The following BYSL variants were observed in gnomAD, a reference collection of about 807,000 sequenced individuals.
BYSL encodes bystin like, also known as bystin.
A neutral mutation model predicts 45.4 loss-of-function variants in BYSL; 21 were observed. The ratio of observed to expected loss-of-function variants is 0.46; its 90% confidence interval spans 0.33 to 0.67. The LOEUF (loss-of-function observed/expected upper bound fraction) is 0.67. BYSL is among the 30% of genes least tolerant of loss of function. The pLI is 0.02. For missense variants in BYSL, 522 were observed against 578.5 expected (o/e 0.90, Z 1.00); for synonymous variants, 215 against 231.3 (o/e 0.93, Z 0.64).
chr6:41,920,972 AG>A, upstream of BYSL: 1 of 1,604,324 alleles, frequency 6.2e-7, no homozygotes, highest in South Asian at 1.1e-5. Context: ...CACAACTCCA[AG>A]CCCCGCCCCA....
chr6:41,927,696 T>A, intron 2 of BYSL, 160 bp downstream of exon 2: 1 of 785,082 alleles, frequency 1.3e-6, no homozygotes. Context: ...AAAGGACCAC[T>A]GTGAGTAGGA....
At chr6:41,923,539 G>A (rs778714215) in intron 1 of BYSL, among the ~76,000 whole-genome samples, 1 of 151,878 alleles carries the variant, frequency 6.6e-6, no homozygotes, top group Non-Finnish European at 1.5e-5. Context: ...TCAGGTCATC[G>A]TCCACCTCTG....
chr6:41,916,560 A>G (rs1384110405), upstream of BYSL, among the ~76,000 whole-genome samples: 2 of 152,194 alleles, frequency 1.3e-5, no homozygotes, highest in Non-Finnish European at 2.9e-5. Flanking sequence ...AGCCTGGGCA[A>G]CAAGAGCAAA....
In BYSL at chr6:41,932,222, G is replaced by C; in HGVS notation, c.969-139G>C. 1.2e-6 allele frequency: 1 copy of C among 809,072 alleles called. No individual in the cohort carries two copies. The highest frequency in any genetic ancestry group is 2.0e-6 in the Non-Finnish European group (1 of 499,034). The allele number at this position is 809,072 out of a possible 1,614,324, so 50.1% of individuals were successfully genotyped here. ...AAGGGAGTATAATATGATTGTGTAG[G>C]TGAGAAGGTCCCTGGGGAATACCAT... On this transcript the variant is annotated intron_variant, in intron 6 of 6. Transcript: ENST00000230340. This position sits in a 1 kb window ranked among gnomAD's most constrained non-coding sequence, Gnocchi z 4.7.
chr6:41,921,139 C>A (rs779324505), upstream of BYSL: 1 of 1,352,764 alleles, frequency 7.4e-7, no homozygotes, highest in Non-Finnish European at 1.0e-6. Context: ...TCCGGAAATA[C>A]GTAAAAACAG....
At chr6:41,912,053 CTTTT>C in the BYSL span, among the ~76,000 whole-genome samples, 2 of 143,868 alleles carry the variant, frequency 1.4e-5, no homozygotes, top group East Asian at 4.0e-4. Context: ...TCCTTTTCTT[CTTTT>C]TTTTTTTTTG....
intron 2 of BYSL, 126 bp from the exon 3 acceptor site, chr6:41,930,006 A>G (rs1197776870): frequency 2.4e-6 from 3 of 1,267,034 alleles, no homozygotes; most frequent in Non-Finnish European, 3.3e-6. Context: ...TCTAAGCTGC[A>G]TATCCCAGCA....
Position 41,930,652 on chromosome 6 carries a change from CA to C in BYSL, c.589del (p.Ser197ValfsTer45). The C allele has an allele frequency of 6.2e-7, 1 of 1,612,478 alleles. No homozygotes were observed. The highest frequency in any genetic ancestry group is 8.5e-7 in the Non-Finnish European group (1 of 1,179,428). On this transcript the variant is annotated frameshift_variant, in exon 4 of 7. Coordinates refer to ENST00000230340, the MANE Select transcript of BYSL (RefSeq NM_004053.4). LOFTEE classifies it high-confidence loss of function. Reference sequence around the variant, plus strand: ...ATCCCTAGGTATTATCTAAGTACCGCAGTGGAAAACTGCCCAAGGCATTTAA... The same window carrying C: ...ATCCCTAGGTATTATCTAAGTACCGCGTGGAAAACTGCCCAAGGCATTTAA... ...GVREVLSKYR[S>X]GKLPKAFKII...
chr6:41,909,226 G>A, the BYSL span: 12 of 1,584,998 alleles, frequency 7.6e-6, no homozygotes, highest in Non-Finnish European at 1.0e-5. Context: ...TTGCTAAGCA[G>A]CCCCCTCAGA....
the BYSL span, chr6:41,913,060 T>C: frequency 1.3e-5 from 2 of 148,822 alleles, no homozygotes; most frequent in Non-Finnish European, 3.0e-5. Context: ...TAGTGAGCTA[T>C]GATCATGCCA....
chr6:41,921,809 C>G lies in BYSL; in HGVS notation c.247C>G (p.Arg83Gly). 6.2e-7 allele frequency: 1 copy of G among 1,611,172 alleles called. No individual in the cohort carries two copies. The highest frequency in any genetic ancestry group is 8.5e-7 in the Non-Finnish European group (1 of 1,179,158). ...GACTGGGGACAAGCCCGCGGCGCCG[C>G]GGGAACGCACCACGCGGCTGGGTGA... is the stretch of plus-strand genomic sequence containing the variant. ...HGTGDKPAAP[R>G]ERTTRLGPRM... Residue 83 changes from arginine to glycine, a missense_variant, in exon 1 of 7, where the codon CGG becomes GGG. Physicochemically the swap from Arg to Gly is moderately radical, Grantham distance 125. Transcript: ENST00000230340.
chr6:41,928,316 T>G (rs1775592019), intron 2 of BYSL, among the ~76,000 whole-genome samples: 1 of 152,194 alleles, frequency 6.6e-6, no homozygotes, highest in African/African-American at 2.4e-5. Context: ...TTTGGGCTAA[T>G]GCATCTCATT....
intron 5 of BYSL, 83 bp downstream of exon 5, chr6:41,931,639 G>A: frequency 6.2e-7 from 1 of 1,608,826 alleles, no homozygotes; most frequent in Non-Finnish European, 8.5e-7. Flanking sequence ...GAAATTGCTA[G>A]CTGTCCCTGG....
chr6:41,915,975 G>A, the BYSL span, among the ~76,000 whole-genome samples: 1 of 152,182 alleles, frequency 6.6e-6, no homozygotes, highest in South Asian at 2.1e-4. Flanking sequence ...AGCCAGGAGT[G>A]GTGGCTCATA....
chr6:41,930,080 C>T lies in BYSL; in HGVS notation c.432-52C>T, dbSNP rs1775615664. 2.5e-6 allele frequency: 4 copies of T among 1,607,756 alleles called. No individual in the cohort carries two copies. In the South Asian group the frequency reaches 4.4e-5, roughly 18 times the overall value. Reference sequence around the variant, plus strand: ...AGTCTGGAGCTTCCTGGACAGTGACCACAGTGCTCCTTGCCCCCTCTCTCC... The same window carrying T: ...AGTCTGGAGCTTCCTGGACAGTGACTACAGTGCTCCTTGCCCCCTCTCTCC... On this transcript the variant is annotated intron_variant, in intron 2 of 6. Coordinates refer to ENST00000230340, the MANE Select transcript of BYSL (RefSeq NM_004053.4).
upstream of BYSL, chr6:41,916,671 G>A (rs575279799): frequency 9.2e-6 from 12 of 1,305,834 alleles, no homozygotes; most frequent in East Asian, 2.3e-5. Flanking sequence ...AACACATCTC[G>A]CCACATGTTT....
intron 6 of BYSL, 31 bp downstream of exon 6, chr6:41,931,861 T>G (rs13198962): frequency 4.5e-6 from 7 of 1,571,312 alleles, no homozygotes; most frequent in South Asian, 2.2e-5. Flanking sequence ...AGGGGGCTGG[T>G]CAGTGGATAT....
the BYSL span, chr6:41,909,501 T>C: frequency 1.2e-6 from 2 of 1,614,210 alleles, no homozygotes; most frequent in South Asian, 1.1e-5. Flanking sequence ...GTGCATCACA[T>C]ACATCAGCTT....
chr6:41,931,605 G>T (rs1266613399), intron 5 of BYSL, 49 bp downstream of exon 5: 4 of 1,613,396 alleles, frequency 2.5e-6, no homozygotes, highest in Non-Finnish European at 3.4e-6. Flanking sequence ...AGCTTCTATG[G>T]GGAACACAGC....
Sources: allele counts gnomAD v4.1 joint callset (sites outside exome capture counted in the v4.1 genomes callset), GRCh38; gene constraint gnomAD v4.1.1; non-coding constraint Gnocchi (gnomAD v3.1); transcripts MANE v1.5; gene names NCBI Gene and HGNC (gene_info 2026-07-23, HGNC 2026-07-21).